Variants in YBEY observed in about 807,000 individuals in gnomAD.
YBEY encodes the protein ybeY metalloendoribonuclease, also known as endoribonuclease YbeY.
Under a neutral mutation model 13.5 loss-of-function variants are expected in YBEY, and 15 were observed. The observed-to-expected ratio is 1.11, with a 90% CI of 0.75 to 1.72. The LOEUF is 1.72. Among genes scored for constraint, YBEY ranks in the 40% most tolerant of loss-of-function variants. The probability of loss-of-function intolerance (pLI) is 0.00; values close to 1 mark genes in which losing one functional copy is unlikely to be tolerated. For missense variants in YBEY, 244 were observed against 208.4 expected (o/e 1.17, Z -1.05); for synonymous variants, 101 against 83.1 (o/e 1.21, Z -1.17).
At chr21:46,311,958 TCCACCCAC>T in the YBEY span, among the ~76,000 whole-genome samples, 1 of 85,944 alleles carries the variant, frequency 1.2e-5, no homozygotes, top group African/African-American at 4.7e-5. Flanking sequence ...CACCCATCCA[TCCACCCAC>T]CCACCCACCC....
chr21:46,296,656 C>T (rs572369943), intron 4 of YBEY, among the ~76,000 whole-genome samples: 1 of 152,294 alleles, frequency 6.6e-6, no homozygotes, highest in East Asian at 1.9e-4. Context: ...GTGTTGGGAG[C>T]AAACTGCTTC....
chr21:46,311,145 C>T, the YBEY span, among the ~76,000 whole-genome samples: 1 of 152,026 alleles, frequency 6.6e-6, no homozygotes, highest in South Asian at 2.1e-4. Context: ...GTTGGGATTA[C>T]AAGCGTGAGC....
chr21:46,299,400 T>G (rs1387488820), downstream of YBEY, among the ~76,000 whole-genome samples: 1 of 152,122 alleles, frequency 6.6e-6, no homozygotes. Flanking sequence ...AACCTGGTAG[T>G]TAGGAGTGGG....
downstream of YBEY, chr21:46,302,285 G>A (rs114869810): frequency 8.6e-4 from 1,210 of 1,401,106 alleles, 9 homozygotes; most frequent in African/African-American, 0.016. Flanking sequence ...CCTCCCAGAG[G>A]AGGCTCCTCC....
intron 2 of YBEY, among the ~76,000 whole-genome samples, chr21:46,291,039 A>G (rs1364860959): frequency 3.3e-5 from 5 of 150,744 alleles, no homozygotes; most frequent in Non-Finnish European, 7.4e-5. Context: ...AAAAAAAGAA[A>G]TACAAAAATT....
chr21:46,288,692 AAAAAG>A (rs1438861536), intron 2 of YBEY, among the ~76,000 whole-genome samples: 1 of 151,530 alleles, frequency 6.6e-6, no homozygotes, highest in African/African-American at 2.4e-5. Context: ...AGAAAAAAAA[AAAAAG>A]AAGAAAAGAA....
Position 46,296,085 on chromosome 21 carries a change from TGTGGCCCTGGG to T in YBEY, c.340-67_340-57del, listed in dbSNP as rs534020943. ...CTGCAGCCACATACCAAGAGCAGCC[TGTGGCCCTGGG>T]GTGGCCCTGAAGGGGCAGGTTCCTG... On this transcript the variant is annotated intron_variant, in intron 3 of 4. Transcript: ENST00000397701. 100 of 1,539,056 alleles carry T rather than the reference TGTGGCCCTGGG, an allele frequency of 6.5e-5. No individual in the cohort carries two copies. In the African/African-American group the frequency reaches 8.8e-4, roughly 14 times the overall value.
intron 3 of YBEY, among the ~76,000 whole-genome samples, chr21:46,295,252 T>C (rs936643203): frequency 1.3e-5 from 2 of 151,946 alleles, no homozygotes; most frequent in Non-Finnish European, 2.9e-5. Flanking sequence ...CCCATCCTCA[T>C]AGCCACAGGC....
chr21:46,295,827 G>A (rs867204617), intron 3 of YBEY, among the ~76,000 whole-genome samples: 18 of 86,236 alleles, frequency 2.1e-4, no homozygotes, highest in Admixed American at 3.8e-4. Flanking sequence ...CCACCACCCC[G>A]TGGCACCCAC....
At chr21:46,304,302 T>C in the YBEY span, among the ~76,000 whole-genome samples, 1 of 151,902 alleles carries the variant, frequency 6.6e-6, no homozygotes, top group Non-Finnish European at 1.5e-5. Context: ...AGTGATGGGA[T>C]TACAGGCGTG....
chr21:46,287,944 G>GCA (rs2081529749), intron 2 of YBEY, among the ~76,000 whole-genome samples: 1 of 151,740 alleles, frequency 6.6e-6, no homozygotes, highest in African/African-American at 2.4e-5. Flanking sequence ...CCCCAGAGAT[G>GCA]GAGGTTGCAG....
At chr21:46,310,767 G>A in the YBEY span, among the ~76,000 whole-genome samples, 2 of 151,922 alleles carry the variant, frequency 1.3e-5, no homozygotes, top group East Asian at 3.9e-4. Flanking sequence ...CTGAGATCAT[G>A]CCATTGTATT....
At chr21:46,290,705 T>C (rs948782448) in intron 2 of YBEY, among the ~76,000 whole-genome samples, 1 of 149,796 alleles carries the variant, frequency 6.7e-6, no homozygotes, top group African/African-American at 2.5e-5. Context: ...GGTCAGGAGT[T>C]CGAGACCAGC....
chr21:46,297,431 G>T, intron 4 of YBEY, 108 bp from the exon 5 acceptor site: 1 of 1,114,192 alleles, frequency 9.0e-7, no homozygotes, highest in Non-Finnish European at 1.2e-6. Flanking sequence ...CGCGCGGGCG[G>T]CCGGCTTCCC....
chr21:46,302,247 G>A (rs985498795), downstream of YBEY: 12 of 1,431,808 alleles, frequency 8.4e-6, no homozygotes, highest in Admixed American at 1.4e-4. Context: ...GATCCCATGT[G>A]ATAGGCAGGA....
At chr21:46,299,750 G>GCCCCCCCCCCCCCCCCCCCCCCCCCCCCC (rs545785598), downstream of YBEY, among the ~76,000 whole-genome samples, 6 of 147,332 alleles carry the variant, frequency 4.1e-5, no homozygotes, top group Non-Finnish European at 6.0e-5. Context: ...TGTGCCCTGA[G>GCCCCCCCCCCCCCCCCCCCCCCCCCCCCC]CCCCCCCCAC....
chr21:46,298,881 C>T (rs991615583), downstream of YBEY, among the ~76,000 whole-genome samples: 2 of 151,952 alleles, frequency 1.3e-5, no homozygotes, highest in Non-Finnish European at 2.9e-5. Flanking sequence ...CGCACCACTA[C>T]GCCCAGCTAA....
At chr21:46,292,540 G>C (rs116827558) in intron 3 of YBEY, among the ~76,000 whole-genome samples, 12,084 of 119,710 alleles carry the variant, frequency 0.1, 1,291 homozygotes, top group African/African-American at 0.27. Context: ...GCCCGGGACT[G>C]AGTGGGGACA....
intron 2 of YBEY, among the ~76,000 whole-genome samples, chr21:46,287,717 G>A (rs1002271039): frequency 1.3e-5 from 2 of 152,142 alleles, no homozygotes; most frequent in Non-Finnish European, 2.9e-5. Context: ...ACAGCCGAGC[G>A]CGATGGCTCA....
Sources: gnomAD v4.1 joint callset for allele counts (sites outside exome capture counted in the v4.1 genomes callset) on GRCh38, gnomAD v4.1.1 for gene constraint, MANE v1.5 for transcripts, NCBI Gene and HGNC (gene_info 2026-07-23, HGNC 2026-07-21) for gene names.